COP1: variants seen among roughly 807,000 people sequenced by gnomAD.
The protein encoded by COP1 is COP1 E3 ubiquitin ligase, also known as E3 ubiquitin-protein ligase COP1.
A neutral mutation model predicts 101.3 loss-of-function variants in COP1; 24 were observed. The ratio of observed to expected loss-of-function variants is 0.24; its 90% CI spans 0.17 to 0.33. The LOEUF is 0.33. COP1 is among the 10% of genes least tolerant of loss of function. The probability of loss-of-function intolerance (pLI) is 1.00; values close to 1 mark genes in which losing one functional copy is unlikely to be tolerated. For synonymous variants in COP1, 347 were observed against 341.9 expected (o/e 1.01, Z -0.17); for missense variants, 663 against 906.2 (o/e 0.73, Z 3.45).
chr1:176,097,996 A>T (rs1442605956), intron 9 of COP1, among the ~76,000 whole-genome samples: 1 of 152,230 alleles, frequency 6.6e-6, no homozygotes, highest in African/African-American at 2.4e-5. Context: ...ATCTTTAAGA[A>T]ATAAAAAACA....
At chr1:176,143,146 A>AAGAGAGAGAG (rs759550104) in intron 6 of COP1, among the ~76,000 whole-genome samples, 2 of 66,572 alleles carry the variant, frequency 3.0e-5, no homozygotes, top group African/African-American at 9.5e-5. Context: ...GAGCGAGAGA[A>AAGAGAGAGAG]AGAGAGAGAG....
At chr1:176,142,221 CA>C (rs1338887771) in intron 6 of COP1, among the ~76,000 whole-genome samples, 2 of 151,368 alleles carry the variant, frequency 1.3e-5, no homozygotes, top group Non-Finnish European at 2.9e-5. Context: ...AAAAATGATA[CA>C]AAAAATTTAC....
At chr1:176,116,778 T>G in intron 8 of COP1, 97 bp from the exon 9 acceptor site, 3 of 793,608 alleles carry the variant, frequency 3.8e-6, no homozygotes, top group Non-Finnish European at 6.1e-6. Context: ...AGCCCAGTAT[T>G]TCTAATTTCT....
At chr1:176,060,164 A>G (rs530969608) in intron 11 of COP1, among the ~76,000 whole-genome samples, 1 of 152,306 alleles carries the variant, frequency 6.6e-6, no homozygotes, top group African/African-American at 2.4e-5. Context: ...TTGCTTTAAA[A>G]CAACTACTTT....
At chr1:176,031,992 G>A (rs868266097) in intron 14 of COP1, among the ~76,000 whole-genome samples, 3 of 152,278 alleles carry the variant, frequency 2.0e-5, no homozygotes, top group Middle Eastern at 6.8e-3. Flanking sequence ...TTATGTTTCT[G>A]AGTTTCTCTG....
chr1:176,165,112 A>G (rs897263231), intron 3 of COP1, among the ~76,000 whole-genome samples: 2 of 152,210 alleles, frequency 1.3e-5, no homozygotes, highest in African/African-American at 2.4e-5. Context: ...GACACAATCC[A>G]AGGTCTCAAG....
intron 15 of COP1, among the ~76,000 whole-genome samples, chr1:176,003,822 T>G (rs1235156500): frequency 6.6e-6 from 1 of 151,944 alleles, no homozygotes; most frequent in Non-Finnish European, 1.5e-5. Context: ...TAGGATTGAC[T>G]TGGCGATGTG....
At chr1:176,000,583 T>C (rs956069908) in intron 15 of COP1, among the ~76,000 whole-genome samples, 4 of 152,070 alleles carry the variant, frequency 2.6e-5, no homozygotes, top group African/African-American at 7.2e-5. Context: ...ATGTGGTCTC[T>C]CACTGATTGA....
At chr1:176,028,222 C>T (rs187781631) in intron 14 of COP1, among the ~76,000 whole-genome samples, 7 of 152,100 alleles carry the variant, frequency 4.6e-5, no homozygotes, top group Non-Finnish European at 7.4e-5. Context: ...GACTGAATAA[C>T]AGAATAACAT....
chr1:176,043,414 T>C (rs554568863), intron 13 of COP1, 147 bp from the exon 14 acceptor site: 4 of 577,680 alleles, frequency 6.9e-6, no homozygotes, highest in Non-Finnish European at 1.2e-5. Flanking sequence ...GCAAATAAGA[T>C]GTTGATATAA....
intron 18 of COP1, among the ~76,000 whole-genome samples, chr1:175,961,344 C>T (rs1454331791): frequency 2.0e-5 from 3 of 152,182 alleles, no homozygotes; most frequent in East Asian, 1.9e-4. Context: ...TCATCACAGT[C>T]GTTTCATTAT....
chr1:176,077,763 T>C (rs1678315047), intron 11 of COP1, among the ~76,000 whole-genome samples: 1 of 152,176 alleles, frequency 6.6e-6, no homozygotes, highest in Non-Finnish European at 1.5e-5. Flanking sequence ...CTAAAGACTC[T>C]GCCAAAAGGC....
intron 18 of COP1, among the ~76,000 whole-genome samples, chr1:175,980,127 T>G (rs1655461296): frequency 6.6e-6 from 1 of 152,106 alleles, no homozygotes; most frequent in Non-Finnish European, 1.5e-5. Context: ...ATGAGGACAC[T>G]GAAGCACCGT....
chr1:176,095,238 T>C (rs756368177), intron 9 of COP1, among the ~76,000 whole-genome samples: 10 of 152,222 alleles, frequency 6.6e-5, no homozygotes, highest in Non-Finnish European at 1.0e-4. Context: ...TACAAGCAGA[T>C]TTAATGACTA....
chr1:176,108,109 A>G (rs1684639099), intron 9 of COP1, among the ~76,000 whole-genome samples: 1 of 151,998 alleles, frequency 6.6e-6, no homozygotes, highest in South Asian at 2.1e-4. Flanking sequence ...AAAAGTAAAA[A>G]TTTTAGGTTT....
chr1:176,167,953 T>A lies in COP1; in HGVS notation c.566-4062A>T, dbSNP rs149157620. Among the ~76,000 whole-genome samples the A allele has an allele frequency of 1.8e-3, 255 of 140,640 alleles. 1 individual carries two copies. Among genetic ancestry groups the A allele is most frequent in the African/African-American group, 5.9e-3 (244 of 41,028 alleles). The allele number at this position is 140,640 out of a possible 152,430, so 92.3% of individuals were successfully genotyped here. A position where few individuals can be genotyped will look rare whatever the true frequency, so the allele number is the denominator to read the frequency against. ...ACAGTAGTAAGGACTTTTATATGCA[T>A]CAGCCATTTTTTTTTTAAACAGGGA... On this transcript the variant is annotated intron_variant, in intron 3 of 19. Coordinates refer to ENST00000367669, the MANE Select transcript of COP1 (RefSeq NM_022457.7).
chr1:175,998,114 T>C (rs1301591990), intron 15 of COP1, among the ~76,000 whole-genome samples: 7 of 120,856 alleles, frequency 5.8e-5, no homozygotes, highest in South Asian at 2.8e-4. Flanking sequence ...ATATACACCA[T>C]GGAATACTAT....
Position 175,989,367 on chromosome 1 carries a change from G to C in COP1, c.1842C>G (p.Val614=). Residue 614 remains valine (V), a synonymous_variant, in exon 16 of 20, where the codon GTC becomes GTG. Transcript: ENST00000367669. ...YAKFVSGEEI[V]SASTDSQLKL... ...CTGAGGAGAGTAATACTCACGCAGAGACAATTTCCTCACCACTCACAAACT... is the reference window on the plus strand; with the variant it reads ...CTGAGGAGAGTAATACTCACGCAGACACAATTTCCTCACCACTCACAAACT... The C allele has an allele frequency of 1.3e-6, 2 of 1,529,242 alleles. No homozygotes were observed. Among genetic ancestry groups the C allele is most frequent in the Non-Finnish European group, 1.8e-6 (2 of 1,102,730 alleles). 94.7% of individuals were successfully genotyped at this position (1,529,242 alleles called of 1,614,324 possible). A position where few individuals can be genotyped will look rare whatever the true frequency, so the allele number is the denominator to read the frequency against.
intron 7 of COP1, among the ~76,000 whole-genome samples, chr1:176,136,168 TA>T (rs937590724): frequency 6.6e-6 from 1 of 151,964 alleles, no homozygotes; most frequent in Admixed American, 6.6e-5. Context: ...AAGTTATTAA[TA>T]AAAAAAGCAT....
Sources: allele counts gnomAD v4.1 joint callset (sites outside exome capture counted in the v4.1 genomes callset), GRCh38; gene constraint gnomAD v4.1.1; transcripts MANE v1.5; gene names NCBI Gene and HGNC (gene_info 2026-07-23, HGNC 2026-07-21).